CCDC93: variants seen among roughly 807,000 people sequenced by gnomAD.
CCDC93 encodes the protein coiled-coil domain-containing protein 93.
A neutral mutation model predicts 108.2 loss-of-function variants in CCDC93; 61 were observed. That is an observed-to-expected ratio of 0.56 (90% CI 0.46 to 0.70). CCDC93 has a LOEUF of 0.70. Among genes scored for constraint, CCDC93 ranks in the 30% least tolerant of loss-of-function variants. The pLI is 0.00. For missense variants in CCDC93, 685 were observed against 764.2 expected (o/e 0.90, Z 1.22); for synonymous variants, 276 against 260.4 (o/e 1.06, Z -0.58).
intron 22 of CCDC93, chr2:117,934,949 C>T (rs1276874143): frequency 1.3e-5 from 2 of 152,326 alleles, no homozygotes; most frequent in Non-Finnish European, 2.9e-5. Context: ...CTGAGTGGGG[C>T]CTCTCTGTTC....
chr2:117,949,705 T>TA (rs777611084), intron 13 of CCDC93: 14,392 of 723,900 alleles, frequency 0.02, 27 homozygotes, highest in African/African-American at 0.032. Flanking sequence ...ATTCAAAAAT[T>TA]AAAAAAAAAA....
intron 12 of CCDC93, among the ~76,000 whole-genome samples, chr2:117,957,473 T>G (rs904843529): frequency 6.6e-6 from 1 of 152,204 alleles, no homozygotes; most frequent in African/African-American, 2.4e-5. Flanking sequence ...TCTAGACTAT[T>G]GCATCAGCCT....
At chr2:117,949,174 C>T in intron 14 of CCDC93, 148 bp downstream of exon 14, 1 of 613,140 alleles carries the variant, frequency 1.6e-6, no homozygotes, top group Non-Finnish European at 2.9e-6. Context: ...TCACCACTTT[C>T]TGGATGAACA....
At chr2:118,007,943 C>CG (rs1285249542) in intron 2 of CCDC93, among the ~76,000 whole-genome samples, 1 of 152,216 alleles carries the variant, frequency 6.6e-6, no homozygotes, top group African/African-American at 2.4e-5. Flanking sequence ...GCACAGTCCA[C>CG]GGTGGCACTT....
Position 117,920,203 on chromosome 2 carries a change from G to GAGAA in CCDC93, c.*136_*139dup. 1.8e-6 allele frequency: 1 copy of GAGAA among 558,026 alleles called. No individual in the cohort carries two copies. The allele number at this position is 558,026 out of a possible 1,614,324, so 34.6% of individuals were successfully genotyped here. On this transcript the variant is annotated 3_prime_UTR_variant, in exon 24 of 24. Transcript: ENST00000376300. ...AACAGAGATGAATGGAAGCAAAGAG[G>GAGAA]AGAAAGAAAACATCCAGGTTGTTGA...
At chr2:117,979,684 C>T (rs1312571307) in intron 7 of CCDC93, among the ~76,000 whole-genome samples, 1 of 152,160 alleles carries the variant, frequency 6.6e-6, no homozygotes, top group Non-Finnish European at 1.5e-5. Context: ...GGCAGTATGT[C>T]CACCCTTTAG....
chr2:117,984,466 C>A (rs1680252331), intron 7 of CCDC93, among the ~76,000 whole-genome samples: 1 of 152,164 alleles, frequency 6.6e-6, no homozygotes, highest in African/African-American at 2.4e-5. Context: ...ACTTTCCCAG[C>A]CTTCAGATGG....
intron 11 of CCDC93, among the ~76,000 whole-genome samples, chr2:117,958,921 A>G (rs1460386462): frequency 6.6e-6 from 1 of 152,250 alleles, no homozygotes; most frequent in Non-Finnish European, 1.5e-5. Context: ...CTTATAATGA[A>G]GAGTCTCCCA....
At chr2:117,998,339 C>CAA (rs2104818593) in intron 4 of CCDC93, 1 of 152,180 alleles carries the variant, frequency 6.6e-6, no homozygotes, top group East Asian at 1.9e-4. Flanking sequence ...ACAAAACAAA[C>CAA]AAAAACAGGC....
intron 6 of CCDC93, among the ~76,000 whole-genome samples, chr2:117,991,804 C>T (rs886199651): frequency 6.6e-6 from 1 of 152,162 alleles, no homozygotes; most frequent in African/African-American, 2.4e-5. Flanking sequence ...TAAGGATTTC[C>T]TTTCCTTTAT....
At chr2:117,966,223 C>T (rs1006110742) in intron 11 of CCDC93, among the ~76,000 whole-genome samples, 1 of 152,230 alleles carries the variant, frequency 6.6e-6, no homozygotes, top group Non-Finnish European at 1.5e-5. Flanking sequence ...TCACACCCAA[C>T]TCCTGGCAAC....
At position 117,919,331 on chromosome 2, in the gene CCDC93, C is replaced by A. The variant is rs1042903642; in HGVS notation, c.*1012G>T. 1 of 152,204 alleles carries A rather than the reference C, an allele frequency of 6.6e-6. No homozygotes were observed. The highest frequency in any genetic ancestry group is 1.5e-5 in the Non-Finnish European group (1 of 68,046). The allele number at this position is 152,204 out of a possible 1,614,324, so 9.4% of individuals were successfully genotyped here. On this transcript the variant is annotated 3_prime_UTR_variant, in exon 24 of 24. Transcript: ENST00000376300. ...TGGGTTTTTAATCATAGTGTATTTT[C>A]ATTTAAAACAGTCTTCCTATCAACA...
Position 117,949,261 on chromosome 2 carries a change from A to T in CCDC93, c.1142+61T>A, listed in dbSNP as rs144456124. On this transcript the variant is annotated intron_variant, in intron 14 of 23. Coordinates refer to ENST00000376300, the MANE Select transcript of CCDC93 (RefSeq NM_019044.5). The stretch of plus-strand genomic sequence containing the variant: ...TTCTGTGTTTAAACAAATTAAGCCA[A>T]CAAGTATCAGCAAAGTCACTTTCAT... The T allele has an allele frequency of 1.2e-4, 141 of 1,150,906 alleles. No individual in the cohort carries two copies. In the African/African-American group the frequency reaches 1.7e-3, roughly 14 times the overall value. 71.3% of individuals were successfully genotyped at this position (1,150,906 alleles called of 1,614,324 possible).
At chr2:117,999,752 T>C (rs1680777177) in intron 4 of CCDC93, 1 of 152,386 alleles carries the variant, frequency 6.6e-6, no homozygotes, top group East Asian at 1.9e-4. Flanking sequence ...TAATACCTAA[T>C]ACAACGTAAA....
intron 6 of CCDC93, among the ~76,000 whole-genome samples, chr2:117,995,002 A>G (rs1680600012): frequency 6.6e-6 from 1 of 152,178 alleles, no homozygotes; most frequent in Admixed American, 6.5e-5. Flanking sequence ...CATTGTGATT[A>G]AGACGTACTG....
intron 13 of CCDC93, chr2:117,950,838 T>C: frequency 2.0e-6 from 2 of 985,458 alleles, no homozygotes; most frequent in South Asian, 4.7e-5. Flanking sequence ...AGGGCTCTGA[T>C]GCCAGGCTGC....
intron 6 of CCDC93, among the ~76,000 whole-genome samples, chr2:117,993,977 C>T (rs569464456): frequency 6.6e-6 from 1 of 152,290 alleles, no homozygotes; most frequent in East Asian, 1.9e-4. Flanking sequence ...CGTGATCCAC[C>T]CGTCTCAGCC....
chr2:117,989,150 C>G (rs1029077925), intron 6 of CCDC93, among the ~76,000 whole-genome samples: 1 of 152,200 alleles, frequency 6.6e-6, no homozygotes, highest in African/African-American at 2.4e-5. Flanking sequence ...AGCCTGCCTA[C>G]TTTGCAAACC....
At chr2:117,950,112 A>T in intron 13 of CCDC93, 2 of 985,448 alleles carry the variant, frequency 2.0e-6, no homozygotes, top group Non-Finnish European at 2.4e-6. Context: ...GATCTCAGCA[A>T]ACAGTAGGTA....
Sources: allele counts gnomAD v4.1 joint callset (sites outside exome capture counted in the v4.1 genomes callset), GRCh38; gene constraint gnomAD v4.1.1; transcripts MANE v1.5; gene names NCBI Gene and HGNC (gene_info 2026-07-23, HGNC 2026-07-21).